Variants in TUSC3 observed in about 807,000 individuals in gnomAD.
The protein encoded by TUSC3 is tumor suppressor candidate 3.
A neutral mutation model predicts 44.8 loss-of-function variants in TUSC3; 45 were observed. The observed-to-expected ratio is 1.00, with a 90% CI of 0.79 to 1.29. The LOEUF (loss-of-function observed/expected upper bound fraction) is 1.29. TUSC3 is among the 50% of genes most tolerant of loss of function. TUSC3 has a pLI of 0.00. For missense variants in TUSC3, 519 were observed against 437.9 expected, an observed-to-expected ratio of 1.19 and a Z score of -1.65; for synonymous variants, 212 against 152.9, an observed-to-expected ratio of 1.39 and a Z score of -2.85.
chr8:15,548,666 A>G (rs10109466), intron 1 of TUSC3, among the ~76,000 whole-genome samples: 29,733 of 151,780 alleles, frequency 0.2, 3,364 homozygotes, highest in Middle Eastern at 0.27. Context: ...TGTTTAGCAC[A>G]TTTCAAATTG....
intron 2 of TUSC3, among the ~76,000 whole-genome samples, chr8:15,495,049 C>T (rs2129126237): frequency 6.6e-6 from 1 of 152,314 alleles, no homozygotes; most frequent in Non-Finnish European, 1.5e-5. Flanking sequence ...ATAATAGCCT[C>T]CAGCTCCATC....
At chr8:15,706,325 A>G (rs946229398) in intron 6 of TUSC3, among the ~76,000 whole-genome samples, 2 of 152,026 alleles carry the variant, frequency 1.3e-5, no homozygotes, top group South Asian at 2.1e-4. Context: ...AAGGAAAAGA[A>G]AGTGTTATCT....
At chr8:15,511,282 A>G (rs1391201621) in intron 2 of TUSC3, among the ~76,000 whole-genome samples, 1 of 151,902 alleles carries the variant, frequency 6.6e-6, no homozygotes, top group Non-Finnish European at 1.5e-5. Flanking sequence ...GAAGGAAGGG[A>G]GGGAGGGAGG....
At chr8:15,521,799 T>C (rs1385376764) in intron 2 of TUSC3, among the ~76,000 whole-genome samples, 3 of 152,202 alleles carry the variant, frequency 2.0e-5, no homozygotes, top group Admixed American at 1.3e-4. Flanking sequence ...CTCTTTCTTA[T>C]TGGTCCTTTT....
At chr8:15,701,482 A>G (rs1359758843) in intron 6 of TUSC3, among the ~76,000 whole-genome samples, 1 of 152,160 alleles carries the variant, frequency 6.6e-6, no homozygotes, top group African/African-American at 2.4e-5. Context: ...ATAGTGTTTC[A>G]GGAAGGAAGT....
chr8:15,677,077 G>A (rs1350047551), intron 6 of TUSC3, among the ~76,000 whole-genome samples: 1 of 152,024 alleles, frequency 6.6e-6, no homozygotes, highest in Non-Finnish European at 1.5e-5. Flanking sequence ...TTGGTGCAGT[G>A]GTACGATCAT....
chr8:15,425,406 G>A (rs114183697), intron 1 of TUSC3, among the ~76,000 whole-genome samples: 1,864 of 152,322 alleles, frequency 0.012, 35 homozygotes, highest in African/African-American at 0.043. Context: ...CCTCCTGAAA[G>A]AAGTGCCATA....
chr8:15,442,656 C>A (rs1800036658), intron 1 of TUSC3, among the ~76,000 whole-genome samples: 1 of 152,166 alleles, frequency 6.6e-6, no homozygotes, highest in African/African-American at 2.4e-5. Context: ...CCCCCAACCC[C>A]TTTGTTATTA....
intron 6 of TUSC3, among the ~76,000 whole-genome samples, chr8:15,700,844 TG>T: frequency 7.1e-6 from 1 of 140,246 alleles, no homozygotes; most frequent in African/African-American, 2.6e-5. Flanking sequence ...AGGGAATGGC[TG>T]GAGCTTTTTT....
At chr8:15,434,420 C>A (rs1274422767) in intron 1 of TUSC3, among the ~76,000 whole-genome samples, 3 of 151,540 alleles carry the variant, frequency 2.0e-5, no homozygotes, top group African/African-American at 7.3e-5. Context: ...CAGATTGTGA[C>A]TTTTCTTTTT....
chr8:15,457,839 G>A (rs984652092), intron 1 of TUSC3, among the ~76,000 whole-genome samples: 6 of 138,028 alleles, frequency 4.3e-5, no homozygotes, highest in Non-Finnish European at 7.8e-5. Flanking sequence ...TAATAAATTA[G>A]ATTAATTATC....
At chr8:15,761,378 A>C (rs1812162689) in intron 10 of TUSC3, among the ~76,000 whole-genome samples, 1 of 152,168 alleles carries the variant, frequency 6.6e-6, no homozygotes, top group South Asian at 2.1e-4. Context: ...ATAAAGTGAC[A>C]CAGACTAGAA....
In TUSC3 at chr8:15,556,866, G is replaced by A. The variant is rs550983855; in HGVS notation, c.138+16298G>A. Among the ~76,000 whole-genome samples the A allele has an allele frequency of 5.7e-5, 8 of 139,582 alleles. No homozygotes were observed. In the Admixed American group the frequency reaches 5.9e-4, roughly 10 times the overall value. The allele number at this position is 139,582 out of a possible 152,430, so 91.6% of individuals were successfully genotyped here. On this transcript the variant is annotated intron_variant, in intron 1 of 10. Coordinates refer to ENST00000503731, the MANE Select transcript of TUSC3 (RefSeq NM_006765.4). The stretch of plus-strand genomic sequence containing the variant: ...TGATGGGGTTGTTTGTTTTTTTCTT[G>A]TAAATTTGTTTGAGTTCATTGTAGA...
chr8:15,552,854 A>T (rs1160490497), intron 1 of TUSC3, among the ~76,000 whole-genome samples: 2 of 151,728 alleles, frequency 1.3e-5, no homozygotes, highest in Admixed American at 1.3e-4. Context: ...TTAGGTGGGG[A>T]TGCAAGACTG....
At chr8:15,694,586 T>C (rs1809074547) in intron 6 of TUSC3, among the ~76,000 whole-genome samples, 1 of 152,148 alleles carries the variant, frequency 6.6e-6, no homozygotes, top group Non-Finnish European at 1.5e-5. Flanking sequence ...TTAGAAGTTG[T>C]CATCCTTTGG....
intron 1 of TUSC3, among the ~76,000 whole-genome samples, chr8:15,550,816 C>T (rs1802037586): frequency 1.3e-5 from 2 of 151,650 alleles, no homozygotes; most frequent in Non-Finnish European, 1.5e-5. Context: ...GGATTACAAG[C>T]GTGCACCACA....
intron 1 of TUSC3, among the ~76,000 whole-genome samples, chr8:15,587,437 A>C: frequency 6.6e-6 from 1 of 152,140 alleles, no homozygotes; most frequent in East Asian, 1.9e-4. Flanking sequence ...TAAATCTTTT[A>C]GTTGACATGT....
At chr8:15,505,730 A>G (rs1462204043) in intron 2 of TUSC3, among the ~76,000 whole-genome samples, 7 of 152,350 alleles carry the variant, frequency 4.6e-5, no homozygotes, top group African/African-American at 1.7e-4. Flanking sequence ...GCACTACTTT[A>G]TAATTGTAAA....
At chr8:15,428,427 C>T (rs1799832539) in intron 1 of TUSC3, among the ~76,000 whole-genome samples, 1 of 151,880 alleles carries the variant, frequency 6.6e-6, no homozygotes, top group South Asian at 2.1e-4. Flanking sequence ...CCGCAATAAA[C>T]ATACGTGTGC....
Sources: allele counts gnomAD v4.1 joint callset (sites outside exome capture counted in the v4.1 genomes callset), GRCh38; gene constraint gnomAD v4.1.1; transcripts MANE v1.5; gene names NCBI Gene and HGNC (gene_info 2026-07-23, HGNC 2026-07-21).